MEGF9: variants seen among roughly 807,000 people sequenced by gnomAD.
MEGF9 encodes multiple EGF like domains 9.
MEGF9 carries 6 observed loss-of-function variants against 46.8 expected under a neutral mutation model. The observed-to-expected ratio is 0.13, with a 90% confidence interval of 0.07 to 0.25. The LOEUF (loss-of-function observed/expected upper bound fraction) is 0.25. MEGF9 is among the 10% of genes least tolerant of loss of function. MEGF9 has a pLI of 1.00. For missense variants in MEGF9, 683 were observed against 792.4 expected (o/e 0.86, Z 1.66); for synonymous variants, 302 against 330.7 (o/e 0.91, Z 0.94).
intron 1 of MEGF9, among the ~76,000 whole-genome samples, chr9:120,677,949 T>C (rs551370726): frequency 6.6e-6 from 1 of 152,354 alleles, no homozygotes; most frequent in East Asian, 1.9e-4. Context: ...TCCCAGACTC[T>C]AGTAAATATC....
chr9:120,662,972 A>G (rs1352409762), intron 1 of MEGF9, among the ~76,000 whole-genome samples: 2 of 152,204 alleles, frequency 1.3e-5, no homozygotes, highest in Non-Finnish European at 2.9e-5. Context: ...ACATTGGTAA[A>G]AACAGAAGGA....
chr9:120,617,760 G>C (rs2043478743), intron 3 of MEGF9, among the ~76,000 whole-genome samples: 1 of 152,196 alleles, frequency 6.6e-6, no homozygotes, highest in South Asian at 2.1e-4. Flanking sequence ...TGCCAAAGTA[G>C]TTCAAAGAGA....
chr9:120,641,070 G>T (rs1277009320), intron 2 of MEGF9, among the ~76,000 whole-genome samples: 2 of 151,994 alleles, frequency 1.3e-5, no homozygotes, highest in Non-Finnish European at 2.9e-5. Context: ...AGTATTCCAT[G>T]GTGTATATGT....
intron 2 of MEGF9, among the ~76,000 whole-genome samples, chr9:120,658,773 C>G (rs71509532): frequency 0.01 from 1,560 of 152,272 alleles, 12 homozygotes; most frequent in Non-Finnish European, 0.012. Flanking sequence ...GCTTAGATAA[C>G]AGTACATTAT....
intron 5 of MEGF9, among the ~76,000 whole-genome samples, chr9:120,607,294 T>G (rs1409462988): frequency 6.6e-6 from 1 of 152,182 alleles, no homozygotes; most frequent in Admixed American, 6.5e-5. Context: ...TTTCCTCCAT[T>G]GTACATGGGG....
At chr9:120,618,773 G>A (rs549841247) in intron 3 of MEGF9, among the ~76,000 whole-genome samples, 7 of 151,844 alleles carry the variant, frequency 4.6e-5, no homozygotes, top group East Asian at 1.9e-4. Flanking sequence ...GATGGTGGGC[G>A]CCTGTAATCC....
intron 1 of MEGF9, among the ~76,000 whole-genome samples, chr9:120,694,838 T>C (rs561487261): frequency 6.0e-4 from 91 of 152,336 alleles, no homozygotes; most frequent in South Asian, 1.7e-3. Context: ...ATAAGGCAGT[T>C]TCTGTCCTCA....
intron 1 of MEGF9, among the ~76,000 whole-genome samples, chr9:120,687,607 T>C (rs1247513950): frequency 6.6e-6 from 1 of 150,944 alleles, no homozygotes; most frequent in Non-Finnish European, 1.5e-5. Flanking sequence ...CTCAATAAAA[T>C]GGTGAGTTTA....
intron 2 of MEGF9, among the ~76,000 whole-genome samples, chr9:120,649,816 C>CCAAAACTTTT (rs1377309747): frequency 6.6e-6 from 1 of 152,076 alleles, no homozygotes; most frequent in Non-Finnish European, 1.5e-5. Flanking sequence ...TGCTTAAAGT[C>CCAAAACTTTT]GCAGTTTCCA....
chr9:120,615,172 G>C (rs534545017), intron 3 of MEGF9, among the ~76,000 whole-genome samples: 13 of 151,432 alleles, frequency 8.6e-5, no homozygotes, highest in African/African-American at 3.1e-4. Flanking sequence ...CCGGAAAGCA[G>C]AGGTTGTGGT....
At chr9:120,632,443 T>C (rs2043554888) in intron 2 of MEGF9, among the ~76,000 whole-genome samples, 1 of 152,196 alleles carries the variant, frequency 6.6e-6, no homozygotes, top group South Asian at 2.1e-4. Context: ...TTTATGTTGA[T>C]TTTGTGTCCT....
At chr9:120,647,122 G>A (rs1242177994) in intron 2 of MEGF9, among the ~76,000 whole-genome samples, 1 of 151,554 alleles carries the variant, frequency 6.6e-6, no homozygotes, top group East Asian at 1.9e-4. Flanking sequence ...TGTTCACAAA[G>A]GTCACCGAGA....
chr9:120,713,131 G>A (rs1005342182), intron 1 of MEGF9, among the ~76,000 whole-genome samples: 1 of 152,216 alleles, frequency 6.6e-6, no homozygotes, highest in South Asian at 2.1e-4. Flanking sequence ...GCTCAGCCTA[G>A]ATACACACCT....
chr9:120,649,284 G>C (rs2043638906), intron 2 of MEGF9, among the ~76,000 whole-genome samples: 1 of 152,218 alleles, frequency 6.6e-6, no homozygotes, highest in Admixed American at 6.5e-5. Flanking sequence ...CGTAGAGCTA[G>C]TCCTCAAATA....
chr9:120,657,507 C>A (rs1473215485), intron 2 of MEGF9, among the ~76,000 whole-genome samples: 2 of 152,134 alleles, frequency 1.3e-5, no homozygotes, highest in Admixed American at 6.5e-5. Flanking sequence ...AAGCACTGGG[C>A]CTAGAAGTAA....
intron 4 of MEGF9, among the ~76,000 whole-genome samples, chr9:120,611,953 T>C (rs1392120975): frequency 6.6e-6 from 1 of 152,048 alleles, no homozygotes; most frequent in East Asian, 1.9e-4. Flanking sequence ...TCGAAAGTCC[T>C]AGTAGAAAAT....
In MEGF9 at chr9:120,638,137, G is replaced by A. The variant is rs114097217; in HGVS notation, c.804-15382C>T. On this transcript the variant is annotated intron_variant, in intron 2 of 5. Coordinates refer to ENST00000373930, the MANE Select transcript of MEGF9 (RefSeq NM_001080497.3). ...CCCCTCTGAGTTGCTAGGACTATAG[G>A]TGCACGCTGCCACACGTGGCTAATG... Among the ~76,000 whole-genome samples, 818 of 152,026 alleles carry A rather than the reference G, an allele frequency of 5.4e-3. 3 individuals carry two copies. The highest frequency in any genetic ancestry group is 0.019 in the African/African-American group (775 of 41,448).
intron 1 of MEGF9, among the ~76,000 whole-genome samples, chr9:120,673,946 G>T (rs1256986911): frequency 6.8e-6 from 1 of 147,368 alleles, no homozygotes; most frequent in East Asian, 2.0e-4. Context: ...CTCCAGCCTG[G>T]GCAACAGAGT....
chr9:120,657,783 C>T (rs2043684183), intron 2 of MEGF9, among the ~76,000 whole-genome samples: 1 of 152,112 alleles, frequency 6.6e-6, no homozygotes, highest in South Asian at 2.1e-4. Flanking sequence ...CTACGGTATG[C>T]TATGGTAGTG....
Sources: allele counts gnomAD v4.1 joint callset (sites outside exome capture counted in the v4.1 genomes callset), GRCh38; gene constraint gnomAD v4.1.1; transcripts MANE v1.5; gene names NCBI Gene and HGNC (gene_info 2026-07-23, HGNC 2026-07-21).